Variants in MRTFB observed in about 807,000 individuals in gnomAD.
The protein encoded by MRTFB is myocardin-related transcription factor B.
A neutral mutation model predicts 104.2 loss-of-function variants in MRTFB; 29 were observed. That is an observed-to-expected ratio of 0.28 (90% CI 0.21 to 0.38). MRTFB has a LOEUF of 0.38. MRTFB is among the 10% of genes least tolerant of loss of function. The pLI is 1.00. For missense variants in MRTFB, 1,270 were observed against 1,341.6 expected (o/e 0.95, Z 0.83); for synonymous variants, 535 against 519.5 (o/e 1.03, Z -0.41).
At chr16:14,063,252 C>A in the MRTFB span, among the ~76,000 whole-genome samples, 1 of 152,304 alleles carries the variant, frequency 6.6e-6, no homozygotes, top group African/African-American at 2.4e-5. Context: ...TGATTTCTTT[C>A]TCTCCACTGC....
chr16:14,059,058 T>C, the MRTFB span, among the ~76,000 whole-genome samples: 1 of 152,134 alleles, frequency 6.6e-6, no homozygotes, highest in Admixed American at 6.6e-5. Context: ...TAACTCATTA[T>C]TGACATAATA....
intron 5 of MRTFB, among the ~76,000 whole-genome samples, chr16:14,212,685 G>A (rs1044926104): frequency 4.6e-5 from 7 of 152,126 alleles, no homozygotes; most frequent in Non-Finnish European, 7.4e-5. Context: ...TGCTCTCAGA[G>A]CATAACAACA....
chr16:14,031,070 A>T, the MRTFB span, among the ~76,000 whole-genome samples: 2 of 152,204 alleles, frequency 1.3e-5, no homozygotes. Context: ...CATGGCCAGT[A>T]GCCCCAAATG....
At chr16:14,254,319 C>T (rs2043386867) in intron 15 of MRTFB, among the ~76,000 whole-genome samples, 1 of 152,188 alleles carries the variant, frequency 6.6e-6, no homozygotes, top group African/African-American at 2.4e-5. Flanking sequence ...AAGCAACTAC[C>T]TGAACGCATT....
intron 3 of MRTFB, among the ~76,000 whole-genome samples, chr16:14,164,964 A>C (rs1241207753): frequency 1.3e-5 from 2 of 152,038 alleles, no homozygotes; most frequent in Admixed American, 1.3e-4. Flanking sequence ...AAAAAAAAAA[A>C]ACTACCTGAT....
the MRTFB span, among the ~76,000 whole-genome samples, chr16:14,038,185 T>C: frequency 1.3e-5 from 2 of 152,160 alleles, no homozygotes; most frequent in African/African-American, 2.4e-5. Flanking sequence ...CTTCTCCTTG[T>C]GTCCTCACAT....
intron 2 of MRTFB, among the ~76,000 whole-genome samples, chr16:14,119,636 G>A (rs2036736675): frequency 6.6e-6 from 1 of 152,082 alleles, no homozygotes; most frequent in East Asian, 1.9e-4. Flanking sequence ...TTAGAGTAGA[G>A]GGAACCTTTT....
At chr16:14,092,920 G>C in intron 2 of MRTFB, 1 of 152,132 alleles carries the variant, frequency 6.6e-6, no homozygotes, top group South Asian at 2.1e-4. Flanking sequence ...AAATTTTGTA[G>C]TCTAAATAGC....
chr16:14,067,220 CT>C (rs1236193770), upstream of MRTFB, among the ~76,000 whole-genome samples: 7,182 of 127,922 alleles, frequency 0.056, 180 homozygotes, highest in African/African-American at 0.12. Context: ...TGTTAACCCT[CT>C]TTTTTTTTTT....
At chr16:14,240,554 CA>C (rs778465365) in intron 10 of MRTFB, 70 bp downstream of exon 10, 34 of 1,608,012 alleles carry the variant, frequency 2.1e-5, no homozygotes, top group Non-Finnish European at 2.7e-5. Flanking sequence ...TATAAGTTAC[CA>C]AAAGTTGAAT....
At chr16:14,109,621 C>T (rs980165811) in intron 2 of MRTFB, among the ~76,000 whole-genome samples, 2 of 152,054 alleles carry the variant, frequency 1.3e-5, no homozygotes, top group African/African-American at 4.8e-5. Flanking sequence ...TTGTTGACAC[C>T]GATGGAGAAG....
the MRTFB span, among the ~76,000 whole-genome samples, chr16:14,024,577 A>G: frequency 1.3e-5 from 2 of 152,184 alleles, no homozygotes; most frequent in African/African-American, 4.8e-5. Context: ...TTAGAATTGC[A>G]TTGGCAATTA....
rs533095208 is a variant in MRTFB, at chr16:14,177,407, G to A, written c.155-32836G>A. Among the ~76,000 whole-genome samples the A allele has an allele frequency of 3.3e-5, 5 of 152,238 alleles. No homozygotes were observed. The highest frequency in any genetic ancestry group is 2.6e-4 in the Admixed American group (4 of 15,298). ...AGAGCTGGACCAACCTGAGGTCTAG[G>A]CTAACCCATTACTCCCTGTTGAGTG... On this transcript the variant is annotated intron_variant, in intron 3 of 16. Coordinates refer to ENST00000571589, the MANE Select transcript of MRTFB (RefSeq NM_001308142.2). This position sits in a 1 kb window ranked among gnomAD's most constrained non-coding sequence, Gnocchi z 4.7.
At chr16:14,229,664 G>GT (rs904024651) in intron 8 of MRTFB, among the ~76,000 whole-genome samples, 13 of 151,764 alleles carry the variant, frequency 8.6e-5, no homozygotes, top group African/African-American at 2.7e-4. Flanking sequence ...TCTGACTTCT[G>GT]TTTTTTTTAT....
the MRTFB span, among the ~76,000 whole-genome samples, chr16:14,064,724 C>T: frequency 6.6e-6 from 1 of 152,090 alleles, no homozygotes; most frequent in African/African-American, 2.4e-5. Flanking sequence ...GAATCCTTTC[C>T]CCATTGCTTG....
chr16:14,245,530 C>A lies in MRTFB; in HGVS notation c.1082C>A (p.Pro361Gln). ...YQTILPAPFKPLNDKNSNSGN... is the reference protein window; with the variant it reads ...YQTILPAPFKQLNDKNSNSGN... ...CTAATTTTTGTTTTCTTTTGAAGGC[C>A]ACTCAATGACAAAAATAGTAACAGT... Residue 361 changes from proline to glutamine, a missense_variant and splice_region_variant, in exon 11 of 17, where the codon CCA becomes CAA. Coordinates refer to ENST00000571589, the MANE Select transcript of MRTFB (RefSeq NM_001308142.2). 6.2e-7 allele frequency: 1 copy of A among 1,605,464 alleles called. No homozygotes were observed. Among genetic ancestry groups the A allele is most frequent in the South Asian group, 1.1e-5 (1 of 88,206 alleles).
chr16:14,226,758 T>C (rs912472112), intron 8 of MRTFB, among the ~76,000 whole-genome samples: 1 of 152,052 alleles, frequency 6.6e-6, no homozygotes, highest in East Asian at 1.9e-4. Context: ...GAGGATCCCT[T>C]GAGGCCAGGA....
the MRTFB span, among the ~76,000 whole-genome samples, chr16:14,033,096 C>T: frequency 6.6e-6 from 1 of 152,078 alleles, no homozygotes; most frequent in Non-Finnish European, 1.5e-5. Context: ...TAGATCTTGG[C>T]TCCCATCAGG....
chr16:14,139,359 G>A (rs1333755205), intron 2 of MRTFB, among the ~76,000 whole-genome samples: 1 of 152,174 alleles, frequency 6.6e-6, no homozygotes, highest in Non-Finnish European at 1.5e-5. Flanking sequence ...AAACCACAGT[G>A]AGATACTGCT....
Sources: allele counts gnomAD v4.1 joint callset (sites outside exome capture counted in the v4.1 genomes callset), GRCh38; gene constraint gnomAD v4.1.1; non-coding constraint Gnocchi (gnomAD v3.1); transcripts MANE v1.5; gene names NCBI Gene and HGNC (gene_info 2026-07-23, HGNC 2026-07-21).